The following CEP41 variants were observed in gnomAD, a reference collection of about 807,000 sequenced individuals.
The protein encoded by CEP41 is centrosomal protein of 41 kDa.
CEP41 carries 32 observed loss-of-function variants against 44.3 expected under a neutral mutation model. The observed-to-expected ratio is 0.72, with a 90% CI of 0.54 to 0.97. CEP41 has a LOEUF of 0.97. CEP41 is among the 50% of genes least tolerant of loss of function. CEP41 has a pLI of 0.00. For synonymous variants in CEP41, 151 were observed against 168.5 expected (o/e 0.90, Z 0.80); for missense variants, 432 against 455.2 (o/e 0.95, Z 0.46).
In CEP41 at chr7:130,396,007, G is replaced by A. The variant is rs1554414370; in HGVS notation, c.*2884C>T. The A allele has an allele frequency of 2.2e-6, 1 of 453,910 alleles. No homozygotes were observed. Among genetic ancestry groups the A allele is most frequent in the South Asian group, 1.6e-5 (1 of 64,452 alleles). 28.1% of individuals were successfully genotyped at this position (453,910 alleles called of 1,614,324 possible). A position where few individuals can be genotyped will look rare whatever the true frequency, so the allele number is the denominator to read the frequency against. ...TTCCTTTTGTTTTCAAATAAGTAATGTAGCTTTCTCCTTTCTCTCTCGCTT... is the reference window on the plus strand; with the variant it reads ...TTCCTTTTGTTTTCAAATAAGTAATATAGCTTTCTCCTTTCTCTCTCGCTT... On this transcript the variant is annotated 3_prime_UTR_variant, in exon 11 of 11. Coordinates refer to ENST00000223208, the MANE Select transcript of CEP41 (RefSeq NM_018718.3).
intron 2 of CEP41, chr7:130,421,038 A>C: frequency 1.0e-6 from 1 of 980,940 alleles, no homozygotes; most frequent in Non-Finnish European, 1.2e-6. Context: ...TTTAGCTTCT[A>C]CTTTGTTTAC....
At chr7:130,407,204 C>A (rs532923072) in intron 5 of CEP41, among the ~76,000 whole-genome samples, 7 of 151,122 alleles carry the variant, frequency 4.6e-5, no homozygotes, top group Admixed American at 4.6e-4. Flanking sequence ...ATACTAATCC[C>A]AGAGGGATTT....
upstream of CEP41, chr7:130,441,089 C>T (rs941731149): frequency 3.5e-6 from 4 of 1,143,972 alleles, no homozygotes; most frequent in Admixed American, 1.9e-5. Context: ...GGCCCGTCTT[C>T]CCCGGCCGGC....
Position 130,400,803 on chromosome 7 carries a change from T to A in CEP41, c.661A>T (p.Ile221Phe). ...ILEYKNAHGK[I>F]IILYDDDERL... is the part of the protein sequence containing the mutation. Reference sequence around the variant, plus strand: ...TCATCATCGTCATACAGAATGATGATCTTGCCATGGGCATTTTTCTAAGAG... The same window carrying A: ...TCATCATCGTCATACAGAATGATGAACTTGCCATGGGCATTTTTCTAAGAG... Residue 221 changes from isoleucine to phenylalanine, a missense_variant, in exon 9 of 11, where the codon ATC becomes TTC. Transcript: ENST00000223208. 1 of 1,611,742 alleles carries A rather than the reference T, an allele frequency of 6.2e-7. No individual in the cohort carries two copies. Among genetic ancestry groups the A allele is most frequent in the South Asian group, 1.1e-5 (1 of 90,414 alleles).
At chr7:130,437,635 C>A (rs117626155) in intron 1 of CEP41, among the ~76,000 whole-genome samples, 1 of 151,136 alleles carries the variant, frequency 6.6e-6, no homozygotes, top group Non-Finnish European at 1.5e-5. Flanking sequence ...GAGCTGGGCA[C>A]GATGACACAC....
chr7:130,438,504 A>G (rs1196744019), intron 1 of CEP41, among the ~76,000 whole-genome samples: 2 of 152,140 alleles, frequency 1.3e-5, no homozygotes, highest in Non-Finnish European at 2.9e-5. Context: ...GGTTGCAGTG[A>G]GCTGAAATCT....
At position 130,398,298 on chromosome 7, in the gene CEP41, C is replaced by G. The variant is rs186685101; in HGVS notation, c.*593G>C. On this transcript the variant is annotated 3_prime_UTR_variant, in exon 11 of 11. Coordinates refer to ENST00000223208, the MANE Select transcript of CEP41 (RefSeq NM_018718.3). ...CTCATCTTCAATTTCAGTGAGTACA[C>G]AGGCACTGGCTTCCATACTCAAAAC... 1 of 453,974 alleles carries G rather than the reference C, an allele frequency of 2.2e-6. No homozygotes were observed. Among genetic ancestry groups the G allele is most frequent in the Admixed American group, 2.4e-5 (1 of 42,552 alleles). 28.1% of individuals were successfully genotyped at this position (453,974 alleles called of 1,614,324 possible). A position where few individuals can be genotyped will look rare whatever the true frequency, so the allele number is the denominator to read the frequency against.
chr7:130,419,905 T>A (rs1317574957), intron 2 of CEP41: 1 of 985,346 alleles, frequency 1.0e-6, no homozygotes, highest in East Asian at 1.1e-4. Context: ...TGTATTGTCT[T>A]ACCTACCTTA....
rs1554415011 is a variant in CEP41, at chr7:130,397,105, G to A, written c.*1786C>T. Reference sequence around the variant, plus strand: ...TCCATGCTAGGGGAAAGCTGAGTGTGGAAAAATGTGCATTTTTCTATCTAT... The same window carrying A: ...TCCATGCTAGGGGAAAGCTGAGTGTAGAAAAATGTGCATTTTTCTATCTAT... On this transcript the variant is annotated 3_prime_UTR_variant, in exon 11 of 11. Coordinates refer to ENST00000223208, the MANE Select transcript of CEP41 (RefSeq NM_018718.3). 2.2e-6 allele frequency: 1 copy of A among 454,442 alleles called. No homozygotes were observed. The highest frequency in any genetic ancestry group is 2.3e-5 in the Admixed American group (1 of 42,574). 28.2% of individuals were successfully genotyped at this position (454,442 alleles called of 1,614,324 possible).
At chr7:130,415,248 C>T (rs1554420625) in intron 3 of CEP41, among the ~76,000 whole-genome samples, 1 of 152,164 alleles carries the variant, frequency 6.6e-6, no homozygotes, top group East Asian at 1.9e-4. Flanking sequence ...AAAGAAATGG[C>T]ATCTAAGGTA....
intron 1 of CEP41, among the ~76,000 whole-genome samples, chr7:130,437,055 C>A (rs11982093): frequency 0.19 from 29,492 of 151,534 alleles, 2,867 homozygotes; most frequent in African/African-American, 0.22. Context: ...AACAAACAAA[C>A]AAATTAAAAA....
intron 2 of CEP41, among the ~76,000 whole-genome samples, chr7:130,417,733 G>A (rs1164543425): frequency 1.3e-5 from 2 of 152,200 alleles, no homozygotes; most frequent in Non-Finnish European, 1.5e-5. Flanking sequence ...GGTATGCTTC[G>A]ATTTGATTCA....
intron 2 of CEP41, chr7:130,420,260 G>C (rs1408918629): frequency 6.2e-6 from 1 of 161,038 alleles, no homozygotes; most frequent in Admixed American, 6.7e-5. Context: ...AGCCCAGGAA[G>C]GGGAGGTTGC....
At chr7:130,435,419 A>T (rs536215823) in intron 1 of CEP41, among the ~76,000 whole-genome samples, 1 of 152,322 alleles carries the variant, frequency 6.6e-6, no homozygotes, top group South Asian at 2.1e-4. Context: ...AGAAAAATAG[A>T]AAATAGGCAA....
chr7:130,402,414 C>T (rs541731765), intron 7 of CEP41, among the ~76,000 whole-genome samples: 77 of 151,702 alleles, frequency 5.1e-4, no homozygotes, highest in Non-Finnish European at 9.0e-4. Flanking sequence ...AGAAAGAGCA[C>T]TATGAACAAA....
chr7:130,440,960 G>T lies in CEP41; in HGVS notation c.7C>A (p.Leu3Ile). The T allele has an allele frequency of 6.2e-7, 1 of 1,612,876 alleles. No homozygotes were observed. ...TCAGGGTTCCCAATGTGCCTCCGGA[G>T]GGACATATTTTCTCCAACCGACCAC... MS[L>I]RRHIGNPEYL... Residue 3 changes from leucine to isoleucine, a missense_variant, in exon 1 of 11, where the codon CTC (leucine) becomes ATC (isoleucine). Coordinates refer to ENST00000223208, the MANE Select transcript of CEP41 (RefSeq NM_018718.3).
chr7:130,400,476 G>A (rs1264712685), intron 9 of CEP41: 3 of 637,892 alleles, frequency 4.7e-6, no homozygotes, highest in Non-Finnish European at 8.4e-6. Context: ...TTTTGCTCGA[G>A]TCTTCAGCAT....
At position 130,411,019 on chromosome 7, in the gene CEP41, T is replaced by C. The variant is rs1364834502; in HGVS notation, c.277+103A>G. 6 of 968,616 alleles carry C rather than the reference T, an allele frequency of 6.2e-6. No individual in the cohort carries two copies. The Admixed American group carries it at 1.0e-4, about 16-fold the overall frequency. The allele number at this position is 968,616 out of a possible 1,614,324, so 60.0% of individuals were successfully genotyped here. A position where few individuals can be genotyped will look rare whatever the true frequency, so the allele number is the denominator to read the frequency against. On this transcript the variant is annotated intron_variant, in intron 5 of 10. Coordinates refer to ENST00000223208, the MANE Select transcript of CEP41 (RefSeq NM_018718.3). ...AACAATCTAATTACAAATAGATACA[T>C]CAAAGTCCCAGTCCCTGGGAACAGA...
At chr7:130,419,589 A>G in intron 2 of CEP41, 1 of 984,030 alleles carries the variant, frequency 1.0e-6, no homozygotes, top group Middle Eastern at 5.2e-4. Context: ...TTTAAAAAAA[A>G]TTGAAATTAC....
Sources: allele counts gnomAD v4.1 joint callset (sites outside exome capture counted in the v4.1 genomes callset), GRCh38; gene constraint gnomAD v4.1.1; transcripts MANE v1.5; gene names NCBI Gene and HGNC (gene_info 2026-07-23, HGNC 2026-07-21).